The following COL11A1 variants were observed in gnomAD, a reference collection of about 807,000 sequenced individuals.
The protein encoded by COL11A1 is collagen alpha-1(XI) chain.
A neutral mutation model predicts 265.2 loss-of-function variants in COL11A1; 74 were observed. The ratio of observed to expected loss-of-function variants is 0.28; its 90% CI spans 0.23 to 0.34. COL11A1 has a LOEUF of 0.34. COL11A1 is among the 10% of genes least tolerant of loss of function. The pLI is 1.00. For synonymous variants in COL11A1, 816 were observed against 727.6 expected, an observed-to-expected ratio of 1.12 and a Z score of -1.96; for missense variants, 2,165 against 2,263.6, an observed-to-expected ratio of 0.96 and a Z score of 0.88.
chr1:103,100,512 C>G (rs944084925), intron 1 of COL11A1: 1 of 152,526 alleles, frequency 6.6e-6, no homozygotes, highest in Non-Finnish European at 1.5e-5. Context: ...GTCTCTACCA[C>G]TGAACTTAAG....
chr1:103,025,026 A>G (rs555396480), intron 7 of COL11A1, among the ~76,000 whole-genome samples: 18 of 152,334 alleles, frequency 1.2e-4, no homozygotes, highest in Middle Eastern at 3.4e-3. Context: ...TTAATATTAC[A>G]TTCCTAACAA....
chr1:102,953,799 A>G (rs190209226), intron 41 of COL11A1, among the ~76,000 whole-genome samples: 1 of 152,312 alleles, frequency 6.6e-6, no homozygotes, highest in East Asian at 1.9e-4. Context: ...TTCCACCATT[A>G]ATATGGCATT....
intron 4 of COL11A1, among the ~76,000 whole-genome samples, chr1:103,041,206 A>G (rs895515786): frequency 7.9e-5 from 12 of 151,906 alleles, no homozygotes; most frequent in African/African-American, 2.9e-4. Context: ...ACTTGGCAGT[A>G]AATTTTAGAT....
intron 4 of COL11A1, among the ~76,000 whole-genome samples, chr1:103,054,832 C>T (rs57548736): frequency 0.035 from 5,249 of 152,076 alleles, 326 homozygotes; most frequent in African/African-American, 0.12. Flanking sequence ...ACATGGGAGG[C>T]AGAGGTTGCA....
At chr1:102,923,275 C>T in intron 47 of COL11A1, 61 bp downstream of exon 47, 1 of 1,344,182 alleles carries the variant, frequency 7.4e-7, no homozygotes, top group South Asian at 1.2e-5. Context: ...TAATACTTTA[C>T]AAACCAGTGA....
chr1:102,994,351 A>G (rs1293571800), intron 28 of COL11A1, among the ~76,000 whole-genome samples: 5 of 152,044 alleles, frequency 3.3e-5, no homozygotes, highest in Admixed American at 6.6e-5. Flanking sequence ...CATCTCCTTG[A>G]TGCTGTCCTC....
chr1:103,048,094 G>C (rs577077550), intron 4 of COL11A1, among the ~76,000 whole-genome samples: 1 of 152,140 alleles, frequency 6.6e-6, no homozygotes, highest in Non-Finnish European at 1.5e-5. Flanking sequence ...CCAGGCTTTG[G>C]TATCAGGATG....
At chr1:102,910,633 CCATA>C (rs576214210) in intron 54 of COL11A1, among the ~76,000 whole-genome samples, 119 of 152,030 alleles carry the variant, frequency 7.8e-4, no homozygotes, top group African/African-American at 2.7e-3. Flanking sequence ...AATAACTATG[CCATA>C]ACTCAGTGCT....
chr1:103,044,484 T>C (rs1669090600), intron 4 of COL11A1, among the ~76,000 whole-genome samples: 1 of 152,018 alleles, frequency 6.6e-6, no homozygotes, highest in African/African-American at 2.4e-5. Context: ...CTACAGAAAA[T>C]GCCAAAAGTT....
chr1:103,094,235 G>A (rs1273995192), intron 1 of COL11A1, among the ~76,000 whole-genome samples: 2 of 152,104 alleles, frequency 1.3e-5, no homozygotes, highest in African/African-American at 4.8e-5. Flanking sequence ...AAGACAACTT[G>A]ATGAGGATGA....
At chr1:102,916,567 A>G (rs1005314154) in intron 49 of COL11A1, among the ~76,000 whole-genome samples, 3 of 152,072 alleles carry the variant, frequency 2.0e-5, no homozygotes, top group Non-Finnish European at 4.4e-5. Flanking sequence ...AATATTTCCA[A>G]TATTCCTGAC....
At chr1:102,962,082 C>A in intron 40 of COL11A1, 94 bp downstream of exon 40, 2 of 1,118,460 alleles carry the variant, frequency 1.8e-6, no homozygotes, top group Non-Finnish European at 2.7e-6. Flanking sequence ...GTTTATATAT[C>A]TTCCCTTAAT....
intron 59 of COL11A1, among the ~76,000 whole-genome samples, 172 bp from the exon 60 acceptor site, chr1:102,889,091 C>T (rs1651398064): frequency 6.6e-6 from 1 of 152,006 alleles, no homozygotes; most frequent in Admixed American, 6.6e-5. Flanking sequence ...ATAACTTGTG[C>T]AAAATAATCA....
chr1:103,028,883 C>A (rs574960315), intron 5 of COL11A1, among the ~76,000 whole-genome samples: 1 of 152,044 alleles, frequency 6.6e-6, no homozygotes, highest in African/African-American at 2.4e-5. Context: ...ATAGATTTAA[C>A]ATCTAATTTT....
chr1:102,917,471 A>G (rs1655475859), intron 49 of COL11A1, among the ~76,000 whole-genome samples: 2 of 151,928 alleles, frequency 1.3e-5, no homozygotes, highest in African/African-American at 4.8e-5. Flanking sequence ...AGGCAAAAGA[A>G]ACCCCCAACT....
Position 103,006,066 on chromosome 1 carries a change from AC to A in COL11A1, c.1791+1del. On this transcript the variant is annotated splice_donor_variant, in intron 17 of 66. Transcript: ENST00000370096. LOFTEE classifies it high-confidence loss of function. ...GAATATAAAAATATGTGAGCTCCTG[AC>A]CTTTGCCCCAGGTTCTCCTGGCATT... 1 of 1,614,016 alleles carries A rather than the reference AC, an allele frequency of 6.2e-7. No individual in the cohort carries two copies. Among genetic ancestry groups the A allele is most frequent in the Non-Finnish European group, 8.5e-7 (1 of 1,179,946 alleles).
intron 53 of COL11A1, among the ~76,000 whole-genome samples, chr1:102,912,794 G>A (rs1038081337): frequency 2.0e-5 from 3 of 152,088 alleles, no homozygotes; most frequent in South Asian, 2.1e-4. Flanking sequence ...GAGTTCTCAC[G>A]AGATCTGATG....
At chr1:103,083,323 T>G (rs1383771519) in intron 1 of COL11A1, among the ~76,000 whole-genome samples, 1 of 151,658 alleles carries the variant, frequency 6.6e-6, no homozygotes, top group Admixed American at 6.6e-5. Context: ...CTATATATGA[T>G]TTATAAACAT....
chr1:102,975,238 G>T, intron 35 of COL11A1, among the ~76,000 whole-genome samples: 1 of 142,954 alleles, frequency 7.0e-6, no homozygotes, highest in Admixed American at 7.1e-5. Flanking sequence ...AAGATATTTT[G>T]ATTCAATTCA....
Sources: gnomAD v4.1 joint callset for allele counts (sites outside exome capture counted in the v4.1 genomes callset) on GRCh38, gnomAD v4.1.1 for gene constraint, MANE v1.5 for transcripts, NCBI Gene and HGNC (gene_info 2026-07-23, HGNC 2026-07-21) for gene names.